The following CENPP variants were observed in gnomAD, a reference collection of about 807,000 sequenced individuals.
CENPP encodes the protein centromere protein P.
CENPP carries 24 observed loss-of-function variants against 35.6 expected under a neutral mutation model. The observed-to-expected ratio is 0.67, with a 90% CI of 0.49 to 0.95. The LOEUF (loss-of-function observed/expected upper bound fraction) is 0.95. CENPP is among the 40% of genes least tolerant of loss of function. The pLI, the probability that CENPP is intolerant of heterozygous loss-of-function variation, is 0.00. For missense variants in CENPP, 332 were observed against 345.3 expected (o/e 0.96, Z 0.31); for synonymous variants, 120 against 125.5 (o/e 0.96, Z 0.29).
At chr9:92,587,128 AAAAC>A (rs756572658) in intron 5 of CENPP, among the ~76,000 whole-genome samples, 2 of 152,192 alleles carry the variant, frequency 1.3e-5, no homozygotes, top group East Asian at 3.8e-4. Context: ...AAAAAACAGG[AAAAC>A]AAAGTATGAA....
At chr9:92,496,010 G>C in intron 5 of CENPP, 1 of 1,004,240 alleles carries the variant, frequency 1.0e-6, no homozygotes, top group African/African-American at 1.7e-5. Flanking sequence ...TGATTATAAA[G>C]GCTGTGTTTA....
chr9:92,468,556 C>A (rs539544899), intron 5 of CENPP, among the ~76,000 whole-genome samples: 5 of 152,152 alleles, frequency 3.3e-5, no homozygotes, highest in Admixed American at 6.6e-5. Flanking sequence ...AACCCAAGTG[C>A]CAAACAAGCA....
chr9:92,526,837 G>T (rs1848445097), intron 5 of CENPP, among the ~76,000 whole-genome samples: 1 of 152,054 alleles, frequency 6.6e-6, no homozygotes, highest in Non-Finnish European at 1.5e-5. Context: ...AAAATTTACA[G>T]TAGTGTATAG....
chr9:92,460,335 A>G (rs768980330), intron 5 of CENPP: 10 of 547,606 alleles, frequency 1.8e-5, no homozygotes, highest in Non-Finnish European at 2.9e-5. Context: ...CACCCGGCCA[A>G]TTGTGGTTCT....
intron 5 of CENPP, among the ~76,000 whole-genome samples, chr9:92,438,058 T>C (rs1564320054): frequency 6.6e-6 from 1 of 152,234 alleles, no homozygotes; most frequent in Non-Finnish European, 1.5e-5. Flanking sequence ...TCCTCCCACC[T>C]CAGCTACCCA....
At chr9:92,606,853 C>G (rs183211819) in intron 5 of CENPP, among the ~76,000 whole-genome samples, 2 of 152,244 alleles carry the variant, frequency 1.3e-5, no homozygotes, top group East Asian at 3.9e-4. Context: ...GTCCCAGCTA[C>G]TCAGGAAGCT....
chr9:92,555,647 T>A (rs373930528), intron 5 of CENPP, among the ~76,000 whole-genome samples: 1 of 152,216 alleles, frequency 6.6e-6, no homozygotes, highest in Non-Finnish European at 1.5e-5. Flanking sequence ...AACTTATTCA[T>A]CTCTTCTAGG....
At chr9:92,525,324 A>G (rs1848323935) in intron 5 of CENPP, among the ~76,000 whole-genome samples, 1 of 152,074 alleles carries the variant, frequency 6.6e-6, no homozygotes, top group Non-Finnish European at 1.5e-5. Context: ...TCTCAAAAAA[A>G]AAAAAAGAAA....
At chr9:92,595,787 C>T (rs1850766359) in intron 5 of CENPP, among the ~76,000 whole-genome samples, 1 of 152,022 alleles carries the variant, frequency 6.6e-6, no homozygotes, top group Non-Finnish European at 1.5e-5. Context: ...GTCTCAAACT[C>T]CTGACCTCAG....
intron 5 of CENPP, among the ~76,000 whole-genome samples, chr9:92,463,811 G>GT (rs902980560): frequency 5.9e-5 from 9 of 152,140 alleles, no homozygotes; most frequent in Non-Finnish European, 8.8e-5. Flanking sequence ...ACACTGAGGT[G>GT]TTTTTTTGGA....
intron 5 of CENPP, among the ~76,000 whole-genome samples, chr9:92,555,214 ATTTTTTTTTTTT>A (rs34701393): frequency 1.7e-4 from 11 of 63,466 alleles, no homozygotes; most frequent in East Asian, 6.1e-4. Flanking sequence ...TTTTTTGGAA[ATTTTTTTTTTTT>A]TTTTTTTTTT....
chr9:92,492,557 T>C (rs1564351002), intron 5 of CENPP, among the ~76,000 whole-genome samples: 1 of 152,174 alleles, frequency 6.6e-6, no homozygotes, highest in African/African-American at 2.4e-5. Context: ...CGTGGAGCCA[T>C]TTGATGATGC....
At chr9:92,559,310 T>C (rs944520604) in intron 5 of CENPP, among the ~76,000 whole-genome samples, 1 of 152,216 alleles carries the variant, frequency 6.6e-6, no homozygotes, top group African/African-American at 2.4e-5. Context: ...CTGCTTCCTC[T>C]ACCCCTGTAT....
intron 5 of CENPP, chr9:92,393,025 G>A (rs1484213727): frequency 7.9e-6 from 11 of 1,384,602 alleles, no homozygotes; most frequent in African/African-American, 2.9e-5. Context: ...AGAAACTTGT[G>A]TTTATATGAG....
At chr9:92,423,376 T>C (rs952968194) in intron 5 of CENPP, among the ~76,000 whole-genome samples, 2 of 152,148 alleles carry the variant, frequency 1.3e-5, no homozygotes, top group African/African-American at 4.8e-5. Context: ...CAAGAAAAGT[T>C]TCAATTGAAA....
At chr9:92,536,367 AT>A (rs1470482956) in intron 5 of CENPP, among the ~76,000 whole-genome samples, 3 of 152,188 alleles carry the variant, frequency 2.0e-5, no homozygotes, top group Non-Finnish European at 4.4e-5. Context: ...GCTTTATCAG[AT>A]TATAGGGATG....
intron 5 of CENPP, among the ~76,000 whole-genome samples, chr9:92,408,651 G>A (rs1843369877): frequency 6.6e-6 from 1 of 152,018 alleles, no homozygotes; most frequent in Non-Finnish European, 1.5e-5. Context: ...ATTCTCTGTT[G>A]TGGGGGCTGT....
At chr9:92,498,548 A>G (rs1416247574) in intron 5 of CENPP, among the ~76,000 whole-genome samples, 1 of 152,150 alleles carries the variant, frequency 6.6e-6, no homozygotes, top group Non-Finnish European at 1.5e-5. Flanking sequence ...AATATTTAAC[A>G]CAGTCAAAAA....
chr9:92,538,605 G>C (rs565457581), intron 5 of CENPP, among the ~76,000 whole-genome samples: 5 of 152,196 alleles, frequency 3.3e-5, no homozygotes, highest in African/African-American at 9.6e-5. Context: ...AATTTCTGAG[G>C]TTCCTGCTCT....
Sources: allele counts gnomAD v4.1 joint callset (sites outside exome capture counted in the v4.1 genomes callset), GRCh38; gene constraint gnomAD v4.1.1; transcripts MANE v1.5; gene names NCBI Gene and HGNC (gene_info 2026-07-23, HGNC 2026-07-21).